The following SRC variants were observed in gnomAD, a reference collection of about 807,000 sequenced individuals.
The protein encoded by SRC is SRC proto-oncogene, non-receptor tyrosine kinase.
SRC carries 13 observed loss-of-function variants against 62.9 expected under a neutral mutation model. The ratio of observed to expected loss-of-function variants is 0.21; its 90% CI spans 0.13 to 0.33. SRC has a LOEUF of 0.33. Among genes scored for constraint, SRC ranks in the 10% least tolerant of loss-of-function variants. The probability of loss-of-function intolerance (pLI) is 1.00; values close to 1 mark genes in which losing one functional copy is unlikely to be tolerated. For missense variants in SRC, 457 were observed against 737.3 expected, an observed-to-expected ratio of 0.62 and a Z score of 4.40; for synonymous variants, 302 against 317.5, an observed-to-expected ratio of 0.95 and a Z score of 0.52.
In SRC at chr20:37,365,262, C is replaced by T. The variant is rs1568623521; in HGVS notation, c.-188C>T. The T allele has an allele frequency of 6.6e-6, 1 of 151,342 alleles. No individual in the cohort carries two copies. The highest frequency in any genetic ancestry group is 1.5e-5 in the Non-Finnish European group (1 of 68,032). 9.4% of individuals were successfully genotyped at this position (151,342 alleles called of 1,614,324 possible). A position where few individuals can be genotyped will look rare whatever the true frequency, so the allele number is the denominator to read the frequency against. ...CTTGCCCAGCTATGAGAGACAGAGCCAGGATTTGAAACCAGGTAAGCCTGT... is the reference window on the plus strand; with the variant it reads ...CTTGCCCAGCTATGAGAGACAGAGCTAGGATTTGAAACCAGGTAAGCCTGT... On this transcript the variant is annotated 5_prime_UTR_variant, in exon 2 of 14. Coordinates refer to ENST00000373578, the MANE Select transcript of SRC (RefSeq NM_198291.3).
At chr20:37,392,220 CCTCA>C (rs1176303518) in intron 5 of SRC, among the ~76,000 whole-genome samples, 2 of 152,306 alleles carry the variant, frequency 1.3e-5, no homozygotes, top group East Asian at 3.9e-4. Flanking sequence ...CACCCCCTTG[CCTCA>C]CTCCATCAGG....
intron 2 of SRC, among the ~76,000 whole-genome samples, chr20:37,381,328 A>C (rs2070363254): frequency 6.6e-6 from 1 of 152,096 alleles, no homozygotes; most frequent in Non-Finnish European, 1.5e-5. Context: ...CCAAGAGGTG[A>C]CATGTATCCT....
At chr20:37,356,025 A>G (rs16986606) in intron 1 of SRC, among the ~76,000 whole-genome samples, 27,034 of 152,152 alleles carry the variant, frequency 0.18, 2,685 homozygotes, top group African/African-American at 0.27. Flanking sequence ...GACCGGCCTC[A>G]GAGGCTCAAT....
rs2070775900 is a variant in SRC at position 37,403,494 on chromosome 20, T to A, written c.*115T>A. On this transcript the variant is annotated 3_prime_UTR_variant, in exon 14 of 14. Transcript: ENST00000373578. This position sits in a 1 kb window ranked among gnomAD's most constrained non-coding sequence, Gnocchi z 7.1. ...TTGGTCCTCTCTCTGTGGGGCTGAA[T>A]TGCCAGGGGCGAGGCCCTTCCTCTT... The A allele has an allele frequency of 1.6e-6, 2 of 1,222,126 alleles. No homozygotes were observed. The highest frequency in any genetic ancestry group is 2.9e-5 in the South Asian group (2 of 67,826). 75.7% of individuals were successfully genotyped at this position (1,222,126 alleles called of 1,614,324 possible). A position where few individuals can be genotyped will look rare whatever the true frequency, so the allele number is the denominator to read the frequency against.
At position 37,396,508 on chromosome 20, in the gene SRC, G is replaced by GC; in HGVS notation, c.703+203dup. The GC allele has an allele frequency of 1.5e-6, 1 of 676,294 alleles. No individual in the cohort carries two copies. Among genetic ancestry groups the GC allele is most frequent in the Non-Finnish European group, 2.4e-6 (1 of 413,790 alleles). 41.9% of individuals were successfully genotyped at this position (676,294 alleles called of 1,614,324 possible). ...CTTCTTCTTCCTCTTCTTTCCCCCA[G>GC]CCCCCCTCCTCCCTGTCCCCCTCTC... On this transcript the variant is annotated intron_variant, in intron 8 of 13. Coordinates refer to ENST00000373578, the MANE Select transcript of SRC (RefSeq NM_198291.3). This position sits in a 1 kb window ranked among gnomAD's most constrained non-coding sequence, Gnocchi z 6.1.
chr20:37,380,088 A>G (rs2070343933), intron 2 of SRC, among the ~76,000 whole-genome samples: 2 of 151,924 alleles, frequency 1.3e-5, no homozygotes, highest in Admixed American at 1.3e-4. Flanking sequence ...TGGGTATCTC[A>G]GGGCCTCAGT....
At chr20:37,357,216 C>T (rs2069895757) in intron 1 of SRC, among the ~76,000 whole-genome samples, 1 of 152,232 alleles carries the variant, frequency 6.6e-6, no homozygotes, top group East Asian at 1.9e-4. Flanking sequence ...TCACTCAGTT[C>T]CCCTGGGGAG....
intron 2 of SRC, among the ~76,000 whole-genome samples, chr20:37,373,481 AT>A (rs1366787927): frequency 6.6e-6 from 1 of 152,056 alleles, no homozygotes; most frequent in Non-Finnish European, 1.5e-5. Context: ...ACATACATAT[AT>A]ATATTTTTTG....
intron 1 of SRC, among the ~76,000 whole-genome samples, chr20:37,354,003 C>T (rs1168350089): frequency 6.6e-6 from 1 of 152,226 alleles, no homozygotes; most frequent in Non-Finnish European, 1.5e-5. Context: ...TTGTGTCCAA[C>T]GCCCTCAGCA....
At position 37,403,040 on chromosome 20, in the gene SRC, G is replaced by A. The variant is rs941410441; in HGVS notation, c.1403-131G>A. ...CTCGATGGTCCATGCTCTCAGCTTC[G>A]GGGACAGGACTTATCTATGGTCACT... On this transcript the variant is annotated intron_variant, in intron 13 of 13. Transcript: ENST00000373578. The surrounding 1 kb of genome is among the most constrained non-coding windows in gnomAD (Gnocchi z 7.1). 3.1e-5 allele frequency: 40 copies of A among 1,304,594 alleles called. No homozygotes were observed. The highest frequency in any genetic ancestry group is 2.7e-4 in the Middle Eastern group (1 of 3,680). The allele number at this position is 1,304,594 out of a possible 1,614,324, so 80.8% of individuals were successfully genotyped here.
intron 1 of SRC, among the ~76,000 whole-genome samples, chr20:37,360,206 TTC>T (rs564687280): frequency 3.5e-5 from 5 of 144,462 alleles, no homozygotes; most frequent in South Asian, 2.2e-4. Flanking sequence ...TTCTTTCTCT[TTC>T]TCTCTCTCTC....
In SRC at chr20:37,403,183, G is replaced by A. The variant is rs774838914; in HGVS notation, c.1415G>A (p.Arg472His). ...GCTCTGCCCACAGGGATGGTGAACCGCGAGGTGCTGGACCAGGTGGAGCGG... is the reference window on the plus strand; with the variant it reads ...GCTCTGCCCACAGGGATGGTGAACCACGAGGTGCTGGACCAGGTGGAGCGG... ...GRVPYPGMVN[R>H]EVLDQVERGY... is the part of the protein sequence containing the mutation. Residue 472 changes from arginine to histidine, a missense_variant, in exon 14 of 14, where the codon CGC (arginine) becomes CAC (histidine). Transcript: ENST00000373578. The surrounding 1 kb of genome is among the most constrained non-coding windows in gnomAD (Gnocchi z 7.1). 1 of 1,546,526 alleles carries A rather than the reference G, an allele frequency of 6.5e-7. No individual in the cohort carries two copies. The highest frequency in any genetic ancestry group is 8.7e-7 in the Non-Finnish European group (1 of 1,149,798).
rs61476973 is a variant in SRC at position 37,360,218 on chromosome 20, CTTTTT to C, written c.-246-4970_-246-4966del. Among the ~76,000 whole-genome samples the C allele has an allele frequency of 1.5e-3, 160 of 105,628 alleles. 1 individual carries two copies. The highest frequency in any genetic ancestry group is 2.6e-3 in the Non-Finnish European group (147 of 55,860). 69.3% of individuals were successfully genotyped at this position (105,628 alleles called of 152,430 possible). A position where few individuals can be genotyped will look rare whatever the true frequency, so the allele number is the denominator to read the frequency against. On this transcript the variant is annotated intron_variant, in intron 1 of 13. Transcript: ENST00000373578. Reference sequence around the variant, plus strand: ...AATTTCTTTCTCTTTCTCTCTCTCTCTTTTTTTTTTTTTTTTTTTTGGTGAGACAG... The same window carrying C: ...AATTTCTTTCTCTTTCTCTCTCTCTCTTTTTTTTTTTTTTTGGTGAGACAG...
Sources: gnomAD v4.1 joint callset for allele counts (sites outside exome capture counted in the v4.1 genomes callset) on GRCh38, gnomAD v4.1.1 for gene constraint, Gnocchi (gnomAD v3.1) non-coding constraint, MANE v1.5 for transcripts, NCBI Gene and HGNC (gene_info 2026-07-23, HGNC 2026-07-21) for gene names.